DNAH17: variants seen among roughly 807,000 people sequenced by gnomAD.
DNAH17 encodes the protein dynein axonemal heavy chain 17.
DNAH17 carries 376 observed loss-of-function variants against 485.6 expected under a neutral mutation model. That is an observed-to-expected ratio of 0.77 (90% CI 0.71 to 0.84). The LOEUF is 0.84. Ranked by LOEUF, DNAH17 falls within the 40% of genes least tolerant of loss-of-function variation. DNAH17 has a pLI of 0.00. For missense variants in DNAH17, 6,370 were observed against 5,839.3 expected (o/e 1.09, Z -2.96); for synonymous variants, 3,031 against 2,405.9 (o/e 1.26, Z -7.60).
intron 54 of DNAH17, among the ~76,000 whole-genome samples, 200 bp downstream of exon 54, chr17:78,475,078 A>G (rs1490542100): frequency 6.6e-6 from 1 of 152,074 alleles, no homozygotes; most frequent in Non-Finnish European, 1.5e-5. Flanking sequence ...CACACTCTTC[A>G]CCTCAGTCAC....
At chr17:78,484,068 C>T (rs1043588084) in intron 48 of DNAH17, among the ~76,000 whole-genome samples, 20 of 126,848 alleles carry the variant, frequency 1.6e-4, no homozygotes, top group Admixed American at 4.8e-4. Context: ...TGCACTCCAG[C>T]CTGAGAGACA....
Position 78,459,085 on chromosome 17 carries a change from C to A in DNAH17, c.9777G>T (p.Ala3259=), listed in dbSNP as rs537432504. The A allele has an allele frequency of 2.6e-5, 42 of 1,614,030 alleles. No homozygotes were observed. The highest frequency in any genetic ancestry group is 1.6e-4 in the Middle Eastern group (1 of 6,062). Reference sequence around the variant, plus strand: ...CCTCCTCCAGTGCCTGCCTCTTGGGCGCCACGTCGCAGTAGACCTCGTAGA... The same window carrying A: ...CCTCCTCCAGTGCCTGCCTCTTGGGAGCCACGTCGCAGTAGACCTCGTAGA... ...VRFYEVYCDV[A]PKRQALEEAN... is the part of the protein sequence containing the mutation. Residue 3259 remains alanine, a synonymous_variant, in exon 61 of 81, where the codon GCG becomes GCT. Coordinates refer to ENST00000389840, the MANE Select transcript of DNAH17 (RefSeq NM_173628.4).
intron 75 of DNAH17, among the ~76,000 whole-genome samples, chr17:78,433,129 A>C (rs1377683249): frequency 6.6e-6 from 1 of 151,950 alleles, no homozygotes; most frequent in Non-Finnish European, 1.5e-5. Context: ...GAGGAGGAGG[A>C]CCCAGGGTTT....
chr17:78,506,546 G>T (rs975247374), intron 30 of DNAH17, among the ~76,000 whole-genome samples, 174 bp downstream of exon 30: 1 of 152,160 alleles, frequency 6.6e-6, no homozygotes, highest in Non-Finnish European at 1.5e-5. Flanking sequence ...GTCCTGCCAC[G>T]TTTCTGCCAT....
At chr17:78,481,269 AT>A (rs1305617255) in intron 48 of DNAH17, among the ~76,000 whole-genome samples, 17 of 149,206 alleles carry the variant, frequency 1.1e-4, no homozygotes, top group Non-Finnish European at 1.6e-4. Flanking sequence ...TGCCTGGCTA[AT>A]TTTTTTGTAC....
intron 56 of DNAH17, 30 bp downstream of exon 56, chr17:78,466,625 A>G (rs2146556808): frequency 3.8e-6 from 6 of 1,583,898 alleles, no homozygotes; most frequent in Non-Finnish European, 4.3e-6. Flanking sequence ...TGGGCTCTAC[A>G]CTCAGGCAGA....
intron 66 of DNAH17, 72 bp downstream of exon 66, chr17:78,451,397 C>A (rs2146495191): frequency 1.4e-6 from 2 of 1,439,066 alleles, no homozygotes; most frequent in East Asian, 4.7e-5. Context: ...TGGTCGGGGA[C>A]CCTCACAGTG....
intron 6 of DNAH17, 64 bp downstream of exon 6, chr17:78,570,879 GAAAAA>G (rs1186425349): frequency 1.0e-5 from 5 of 488,448 alleles, no homozygotes; most frequent in Non-Finnish European, 1.3e-5. Flanking sequence ...AAAAAAAAAA[GAAAAA>G]AGAAAAGAAA....
At chr17:78,525,685 G>C (rs901950721) in intron 24 of DNAH17, among the ~76,000 whole-genome samples, 1 of 152,226 alleles carries the variant, frequency 6.6e-6, no homozygotes, top group African/African-American at 2.4e-5. Context: ...CACACACATG[G>C]ACACGCAGGG....
At chr17:78,539,123 T>TG (rs961791536) in intron 18 of DNAH17, among the ~76,000 whole-genome samples, 15 of 151,896 alleles carry the variant, frequency 9.9e-5, no homozygotes, top group African/African-American at 3.6e-4. Flanking sequence ...CCCAGCTACT[T>TG]GGGAGGCTGA....
At chr17:78,440,475 G>C (rs1176448573) in intron 72 of DNAH17, among the ~76,000 whole-genome samples, 1 of 151,872 alleles carries the variant, frequency 6.6e-6, no homozygotes, top group Non-Finnish European at 1.5e-5. Context: ...GCCAAGGCTG[G>C]TCTTGAACTC....
At chr17:78,510,064 C>A (rs2090591608) in intron 27 of DNAH17, among the ~76,000 whole-genome samples, 1 of 152,160 alleles carries the variant, frequency 6.6e-6, no homozygotes, top group Non-Finnish European at 1.5e-5. Flanking sequence ...CACCTGTAAT[C>A]CCAGCTACTT....
At chr17:78,445,010 G>T (rs1405472364) in intron 70 of DNAH17, among the ~76,000 whole-genome samples, 1 of 152,104 alleles carries the variant, frequency 6.6e-6, no homozygotes, top group Non-Finnish European at 1.5e-5. Context: ...CCTCGGCAGG[G>T]TCTAACCTGC....
intron 58 of DNAH17, 109 bp from the exon 59 acceptor site, chr17:78,460,366 G>A (rs1041021164): frequency 1.2e-4 from 21 of 177,964 alleles, no homozygotes; most frequent in East Asian, 7.8e-4. Context: ...ATGTATGCAC[G>A]TGCATGAGTG....
intron 25 of DNAH17, among the ~76,000 whole-genome samples, chr17:78,516,691 G>GAAAAA (rs1168693263): frequency 6.8e-5 from 6 of 88,686 alleles, no homozygotes; most frequent in South Asian, 3.5e-4. Context: ...CTCCATCTCA[G>GAAAAA]AAAAAAAAAA....
At chr17:78,519,587 G>C (rs760745407) in intron 25 of DNAH17, among the ~76,000 whole-genome samples, 2 of 152,174 alleles carry the variant, frequency 1.3e-5, no homozygotes, top group Non-Finnish European at 2.9e-5. Flanking sequence ...CCAACACTAG[G>C]AATGAAATAG....
Position 78,484,935 on chromosome 17 carries a change from C to T in DNAH17, c.7582G>A (p.Glu2528Lys), listed in dbSNP as rs758288823. The change falls in exon 48 of 81, where the codon GAG (glutamate) becomes AAG (lysine). Residue 2528 changes from glutamate to lysine, a missense_variant. Physicochemically the swap from Glu to Lys is moderately conservative, Grantham distance 56. Coordinates refer to ENST00000389840, the MANE Select transcript of DNAH17 (RefSeq NM_173628.4). ...GCCACCGTCCCATACTTGTCCACCT[C>T]GGGCATGTTCATGTCGTCGATGAAG... is the stretch of plus-strand genomic sequence containing the variant. ...VYFIDDMNMP[E>K]VDKYGTVAPH... 5.0e-6 allele frequency: 8 copies of T among 1,609,166 alleles called. No homozygotes were observed. The highest frequency in any genetic ancestry group is 2.7e-5 in the African/African-American group (2 of 74,816).
At chr17:78,526,817 G>A (rs572725275) in intron 23 of DNAH17, 63 bp downstream of exon 23, 103 of 1,557,518 alleles carry the variant, frequency 6.6e-5, no homozygotes, top group Admixed American at 1.5e-4. Flanking sequence ...GTATGCCGCA[G>A]GGCCCTGGGT....
intron 47 of DNAH17, 191 bp from the exon 48 acceptor site, chr17:78,485,224 C>A: frequency 1.4e-6 from 1 of 713,936 alleles, no homozygotes; most frequent in Non-Finnish European, 2.2e-6. Flanking sequence ...ATAAACAGAG[C>A]GATCAGAGGC....
Sources: gnomAD v4.1 joint callset for allele counts (sites outside exome capture counted in the v4.1 genomes callset) on GRCh38, gnomAD v4.1.1 for gene constraint, MANE v1.5 for transcripts, NCBI Gene and HGNC (gene_info 2026-07-23, HGNC 2026-07-21) for gene names.